Variants in RERE observed in about 807,000 individuals in gnomAD.
The protein encoded by RERE is arginine-glutamic acid dipeptide repeats protein.
In RERE, 40 loss-of-function variants were observed where a neutral mutation model predicts 146.1. That is an observed-to-expected ratio of 0.27 (90% CI 0.21 to 0.36). RERE has a LOEUF of 0.36. Among genes scored for constraint, RERE ranks in the 10% least tolerant of loss-of-function variants. The pLI is 1.00. For synonymous variants in RERE, 1,003 were observed against 866.0 expected (o/e 1.16, Z -2.78); for missense variants, 1,933 against 2,138.7 (o/e 0.90, Z 1.90).
chr1:8,505,742 G>C (rs978456831), intron 8 of RERE, among the ~76,000 whole-genome samples: 3 of 152,120 alleles, frequency 2.0e-5, no homozygotes, highest in Non-Finnish European at 2.9e-5. Flanking sequence ...TGTTGCCCAG[G>C]CTGGTCTCGA....
At position 8,353,339 on chromosome 1, in the gene RERE, A is replaced by G. The variant is rs980665512; in HGVS notation, c.*1748T>C. 1.3e-5 allele frequency: 2 copies of G among 152,268 alleles called. No homozygotes were observed. The highest frequency in any genetic ancestry group is 4.8e-5 in the African/African-American group (2 of 41,458). 9.4% of individuals were successfully genotyped at this position (152,268 alleles called of 1,614,324 possible). A position where few individuals can be genotyped will look rare whatever the true frequency, so the allele number is the denominator to read the frequency against. ...GTCGCTATTTGACGCCAGAACCTGAATTTGAGCCAGTAGCTGCTGGTTTCT... is the reference window on the plus strand; with the variant it reads ...GTCGCTATTTGACGCCAGAACCTGAGTTTGAGCCAGTAGCTGCTGGTTTCT... On this transcript the variant is annotated 3_prime_UTR_variant, in exon 23 of 23. Coordinates refer to ENST00000400908, the MANE Select transcript of RERE (RefSeq NM_001042681.2).
At chr1:8,582,051 G>A (rs1228316284) in intron 4 of RERE, among the ~76,000 whole-genome samples, 3 of 151,872 alleles carry the variant, frequency 2.0e-5, no homozygotes, top group African/African-American at 7.3e-5. Context: ...TAATATAATT[G>A]CTTGCTGGTA....
At chr1:8,526,458 A>C (rs1267991197) in intron 7 of RERE, among the ~76,000 whole-genome samples, 1 of 152,194 alleles carries the variant, frequency 6.6e-6, no homozygotes, top group Admixed American at 6.5e-5. Context: ...CAACTTCACA[A>C]ATTTCTTTTT....
intron 1 of RERE, among the ~76,000 whole-genome samples, chr1:8,765,414 AATTGCAGTGATGATTGC>A (rs1640827392): frequency 6.6e-6 from 1 of 152,222 alleles, no homozygotes; most frequent in Non-Finnish European, 1.5e-5. Flanking sequence ...AATGTTCTGA[AATTGCAGTGATGATTGC>A]ACAACTCTGT....
rs147532005 is a variant in RERE at position 8,636,831 on chromosome 1, A to G, written c.326-12451T>C. On this transcript the variant is annotated intron_variant, in intron 2 of 22. Coordinates refer to ENST00000400908, the MANE Select transcript of RERE (RefSeq NM_001042681.2). ...GGTGGAGCAGGAGATAGAGCATGGG[A>G]GAACAAAGAGAATGGAGGCCACATA... Among the ~76,000 whole-genome samples, 1,364 of 152,266 alleles carry G rather than the reference A, an allele frequency of 9.0e-3. 17 individuals are homozygous for G. The highest frequency in any genetic ancestry group is 0.031 in the African/African-American group (1,287 of 41,542).
At chr1:8,427,185 C>T (rs984427660) in intron 11 of RERE, among the ~76,000 whole-genome samples, 4 of 152,176 alleles carry the variant, frequency 2.6e-5, no homozygotes, top group Middle Eastern at 3.4e-3. Flanking sequence ...ATGCTGAGGG[C>T]CTGGGCTAGG....
At chr1:8,483,083 G>C (rs1414803246) in intron 10 of RERE, among the ~76,000 whole-genome samples, 2 of 152,202 alleles carry the variant, frequency 1.3e-5, no homozygotes, top group Non-Finnish European at 1.5e-5. Flanking sequence ...ATGATGTGCT[G>C]TTCTGAAATT....
Position 8,357,897 on chromosome 1 carries a change from C to T in RERE, c.4339+299G>A, listed in dbSNP as rs148457952. On this transcript the variant is annotated intron_variant, in intron 20 of 22. Transcript: ENST00000400908. ...CATGACACTGCTCTGCTGCCCTTAC[C>T]CTGCCCTGTGGGCCTAGGCCACTTC... Among the ~76,000 whole-genome samples, 1,275 of 152,362 alleles carry T rather than the reference C, an allele frequency of 8.4e-3. 14 individuals are homozygous for T. Among genetic ancestry groups the T allele is most frequent in the African/African-American group, 0.029 (1,213 of 41,588 alleles).
At chr1:8,380,133 GTTTA>G (rs982542407) in intron 12 of RERE, among the ~76,000 whole-genome samples, 2 of 151,730 alleles carry the variant, frequency 1.3e-5, no homozygotes, top group Non-Finnish European at 2.9e-5. Context: ...ACCCATGCAT[GTTTA>G]TGCTGGGATT....
chr1:8,490,190 G>C (rs897653622), intron 10 of RERE, among the ~76,000 whole-genome samples: 2 of 151,472 alleles, frequency 1.3e-5, no homozygotes, highest in African/African-American at 4.9e-5. Context: ...GTGAAATCCT[G>C]TCTCTACGAA....
chr1:8,655,834 A>G (rs1409359676), intron 2 of RERE, 139 bp downstream of exon 2: 31 of 1,463,132 alleles, frequency 2.1e-5, no homozygotes, highest in African/African-American at 4.2e-5. Flanking sequence ...AGTGGGTCAC[A>G]TGTTTACCAA....
chr1:8,399,766 CT>C (rs909590181), intron 12 of RERE, among the ~76,000 whole-genome samples: 5 of 150,782 alleles, frequency 3.3e-5, no homozygotes, highest in Admixed American at 1.3e-4. Flanking sequence ...TTATCTACGT[CT>C]TTTTTTTAGG....
At position 8,701,593 on chromosome 1, in the gene RERE, C is replaced by G. The variant is rs145524576; in HGVS notation, c.-144-45152G>C. ...CTTCTCGCAGATGCATTGCTTTCATCAGCCACGGGGAGGGAAAAAGTGTAA... is the reference window on the plus strand; with the variant it reads ...CTTCTCGCAGATGCATTGCTTTCATGAGCCACGGGGAGGGAAAAAGTGTAA... On this transcript the variant is annotated intron_variant, in intron 1 of 22. Transcript: ENST00000400908. Among the ~76,000 whole-genome samples the G allele has an allele frequency of 4.3e-3, 654 of 152,238 alleles. 3 individuals carry two copies. The highest frequency in any genetic ancestry group is 0.015 in the African/African-American group (607 of 41,536).
At chr1:8,548,433 C>T (rs1056937159) in intron 6 of RERE, among the ~76,000 whole-genome samples, 2 of 151,956 alleles carry the variant, frequency 1.3e-5, no homozygotes, top group South Asian at 2.1e-4. Flanking sequence ...AAATGTATTA[C>T]AAATAAACAA....
At chr1:8,661,915 G>A (rs76449715) in intron 1 of RERE, among the ~76,000 whole-genome samples, 2,312 of 152,296 alleles carry the variant, frequency 0.015, 60 homozygotes, top group African/African-American at 0.053. Context: ...AAACTCATGA[G>A]AACATTTATT....
At chr1:8,465,823 T>G (rs1436569258) in intron 11 of RERE, 102 bp downstream of exon 11, 2 of 958,890 alleles carry the variant, frequency 2.1e-6, no homozygotes, top group South Asian at 2.7e-5. Context: ...CCATTCTGCA[T>G]GACTGAAGCT....
chr1:8,700,815 G>T (rs150939288), intron 1 of RERE, among the ~76,000 whole-genome samples: 180 of 152,064 alleles, frequency 1.2e-3, no homozygotes, highest in African/African-American at 4.2e-3. Flanking sequence ...TGGCTCCATC[G>T]GCTTCTCAGC....
rs60346942 is a variant in RERE at position 8,605,845 on chromosome 1, C to CTT, written c.522+8714_522+8715dup. ...ACAAATTTAAGTGTTAAATACCAAA[C>CTT]TTTTTTTTTTTTTTTTTGAGACAGC... On this transcript the variant is annotated intron_variant, in intron 4 of 22. Coordinates refer to ENST00000400908, the MANE Select transcript of RERE (RefSeq NM_001042681.2). Among the ~76,000 whole-genome samples, 67 of 93,218 alleles carry CTT rather than the reference C, an allele frequency of 7.2e-4. 9 individuals are homozygous for CTT. The highest frequency in any genetic ancestry group is 2.5e-3 in the African/African-American group (59 of 23,338). 61.2% of individuals were successfully genotyped at this position (93,218 alleles called of 152,430 possible). A position where few individuals can be genotyped will look rare whatever the true frequency, so the allele number is the denominator to read the frequency against.
chr1:8,768,707 C>T (rs1640891404), intron 1 of RERE, among the ~76,000 whole-genome samples: 2 of 152,170 alleles, frequency 1.3e-5, no homozygotes, highest in Non-Finnish European at 2.9e-5. Flanking sequence ...GTTTACAACA[C>T]AAAAGATGTG....
Sources: allele counts gnomAD v4.1 joint callset (sites outside exome capture counted in the v4.1 genomes callset), GRCh38; gene constraint gnomAD v4.1.1; transcripts MANE v1.5; gene names NCBI Gene and HGNC (gene_info 2026-07-23, HGNC 2026-07-21).